Variants in TRIO observed in about 807,000 individuals in gnomAD.
TRIO encodes the protein trio Rho guanine nucleotide exchange factor, also known as triple functional domain protein.
A neutral mutation model predicts 351.9 loss-of-function variants in TRIO; 58 were observed. The observed-to-expected ratio is 0.16, with a 90% CI of 0.13 to 0.21. The LOEUF is 0.21. Among genes scored for constraint, TRIO ranks in the 10% least tolerant of loss-of-function variants. The pLI is 1.00. For missense variants in TRIO, 3,201 were observed against 4,027.8 expected (o/e 0.79, Z 5.56); for synonymous variants, 1,758 against 1,595.7 (o/e 1.10, Z -2.42).
intron 12 of TRIO, 21 bp downstream of exon 12, chr5:14,358,368 G>A (rs200772824): frequency 5.0e-5 from 81 of 1,610,232 alleles, no homozygotes; most frequent in Middle Eastern, 3.3e-4. Context: ...CCCCTCTCCT[G>A]GTCCGAACAG....
At chr5:14,220,295 T>C (rs1237240580) in intron 1 of TRIO, among the ~76,000 whole-genome samples, 7 of 152,190 alleles carry the variant, frequency 4.6e-5, no homozygotes, top group African/African-American at 1.7e-4. Flanking sequence ...GGTGGCAAAC[T>C]TAATCAGTAA....
intron 2 of TRIO, among the ~76,000 whole-genome samples, chr5:14,278,270 C>T (rs980402619): frequency 2.0e-5 from 3 of 152,174 alleles, no homozygotes; most frequent in South Asian, 2.1e-4. Context: ...AATGGCCGTG[C>T]GCATTGTGCA....
intron 5 of TRIO, among the ~76,000 whole-genome samples, chr5:14,291,821 A>T (rs1736942070): frequency 6.7e-6 from 1 of 150,030 alleles, no homozygotes; most frequent in African/African-American, 2.5e-5. Flanking sequence ...AAAAAAGTGA[A>T]AATTTCACAG....
intron 1 of TRIO, among the ~76,000 whole-genome samples, chr5:14,151,368 TTGTGTG>T (rs200982293): frequency 4.0e-5 from 5 of 123,526 alleles, no homozygotes; most frequent in Admixed American, 2.6e-4. Flanking sequence ...TGTTTTTTCA[TTGTGTG>T]TGTGTGTGTG....
At chr5:14,480,621 T>C (rs1387886702) in intron 43 of TRIO, among the ~76,000 whole-genome samples, 2 of 152,214 alleles carry the variant, frequency 1.3e-5, no homozygotes, top group African/African-American at 2.4e-5. Flanking sequence ...TTCAAGTGTA[T>C]TGATATTCCT....
intron 34 of TRIO, among the ~76,000 whole-genome samples, chr5:14,457,096 T>C (rs1753369547): frequency 6.6e-6 from 1 of 152,024 alleles, no homozygotes. Flanking sequence ...AGAGAAGGGG[T>C]CATTATTGTC....
chr5:14,470,320 T>C (rs1289465858), intron 37 of TRIO, among the ~76,000 whole-genome samples: 1 of 152,132 alleles, frequency 6.6e-6, no homozygotes, highest in East Asian at 1.9e-4. Flanking sequence ...TTTAGTTTAT[T>C]AATACCAAAT....
In TRIO at chr5:14,157,134, A is replaced by G. The variant is rs114130628; in HGVS notation, c.157+13252A>G. Among the ~76,000 whole-genome samples, 831 of 152,298 alleles carry G rather than the reference A, an allele frequency of 5.5e-3. 5 individuals carry two copies. Among genetic ancestry groups the G allele is most frequent in the African/African-American group, 0.019 (781 of 41,554 alleles). ...TCCAGTACATTCTACAAGGAGGAGA[A>G]GAAGCTGAGTTCATGTGTTGGAGTA... On this transcript the variant is annotated intron_variant, in intron 1 of 56. Transcript: ENST00000344204.
At chr5:14,143,994 C>G in intron 1 of TRIO, 112 bp downstream of exon 1, 3 of 798,654 alleles carry the variant, frequency 3.8e-6, no homozygotes, top group Non-Finnish European at 4.6e-6. Flanking sequence ...CCCGTCCGTC[C>G]GTCGGGGCCC....
chr5:14,350,473 A>G (rs1043503066), intron 11 of TRIO, among the ~76,000 whole-genome samples: 1 of 152,208 alleles, frequency 6.6e-6, no homozygotes, highest in Non-Finnish European at 1.5e-5. Context: ...GTTTAAGTCC[A>G]TGGTGTTCCG....
intron 1 of TRIO, among the ~76,000 whole-genome samples, chr5:14,166,694 T>C (rs1046172231): frequency 5.3e-5 from 8 of 152,192 alleles, no homozygotes; most frequent in Non-Finnish European, 1.0e-4. Context: ...CCAGTTTCCC[T>C]GTCTCAGGAG....
At chr5:14,195,407 T>A (rs1421123392) in intron 1 of TRIO, among the ~76,000 whole-genome samples, 4 of 152,234 alleles carry the variant, frequency 2.6e-5, no homozygotes, top group Non-Finnish European at 5.9e-5. Context: ...GGTGTTGATA[T>A]GCCTGTCCTA....
rs1049118791 is a variant in TRIO at position 14,146,789 on chromosome 5, G to A, written c.157+2907G>A. On this transcript the variant is annotated intron_variant, in intron 1 of 56. Transcript: ENST00000344204. ...CCTCAGTGCCTAATCATTGTTCTCC[G>A]CTTTTCTTTGGGTAGTTCAGGGCTC... Among the ~76,000 whole-genome samples the A allele has an allele frequency of 3.9e-5, 6 of 152,120 alleles. No homozygotes were observed. The South Asian group carries it at 8.3e-4, about 21-fold the overall frequency.
At chr5:14,491,688 C>T (rs560512263) in intron 48 of TRIO, among the ~76,000 whole-genome samples, 42 of 152,286 alleles carry the variant, frequency 2.8e-4, no homozygotes, top group African/African-American at 8.4e-4. Context: ...CCTCACTGAC[C>T]GAGTCACTCA....
intron 7 of TRIO, among the ~76,000 whole-genome samples, chr5:14,300,279 T>C (rs1737764023): frequency 6.6e-6 from 1 of 152,254 alleles, no homozygotes; most frequent in South Asian, 2.1e-4. Context: ...TTAAAATATC[T>C]TTTTACTGTG....
intron 49 of TRIO, among the ~76,000 whole-genome samples, chr5:14,493,158 G>C (rs1382822217): frequency 6.6e-6 from 1 of 152,144 alleles, no homozygotes; most frequent in African/African-American, 2.4e-5. Context: ...CCCTATCTTT[G>C]TTTCTTTGAC....
chr5:14,357,291 G>A (rs890311105), intron 11 of TRIO, among the ~76,000 whole-genome samples: 10 of 152,208 alleles, frequency 6.6e-5, no homozygotes, highest in Admixed American at 4.6e-4. Context: ...CAGAAGATGC[G>A]TGAGCTGACT....
At chr5:14,425,158 A>C (rs1750536531) in intron 34 of TRIO, among the ~76,000 whole-genome samples, 1 of 152,198 alleles carries the variant, frequency 6.6e-6, no homozygotes, top group African/African-American at 2.4e-5. Context: ...CGTCATTACC[A>C]TTCACATCTA....
Position 14,485,087 on chromosome 5 carries a change from G to A in TRIO, c.6676G>A (p.Glu2226Lys), listed in dbSNP as rs984804041. 1 of 1,542,430 alleles carries A rather than the reference G, an allele frequency of 6.5e-7. No individual in the cohort carries two copies. Among genetic ancestry groups the A allele is most frequent in the African/African-American group, 1.4e-5 (1 of 72,560 alleles). The stretch of plus-strand genomic sequence containing the variant: ...TTTTAAGGTGAGTTGCCTTTGCCTG[G>A]AGGAAAATGTGGAAAATGATCCCTG... ...NSIKVSCLCL[E>K]ENVENDPCKF... Residue 2226 changes from glutamate to lysine, a missense_variant, in exon 47 of 57, where the codon GAG (glutamate) becomes AAG (lysine). Around this residue, in one of 19 missense-constraint regions of TRIO, gnomAD observed 1,089 missense variants for 954.9 expected, o/e 1.14. Transcript: ENST00000344204.
Sources: allele counts gnomAD v4.1 joint callset (sites outside exome capture counted in the v4.1 genomes callset), GRCh38; gene constraint gnomAD v4.1.1; regional missense constraint gnomAD v4.1.1; transcripts MANE v1.5; gene names NCBI Gene and HGNC (gene_info 2026-07-23, HGNC 2026-07-21).